SYNDIG1: variants seen among roughly 807,000 people sequenced by gnomAD.
The protein encoded by SYNDIG1 is synapse differentiation-inducing gene protein 1.
Under a neutral mutation model 19.4 loss-of-function variants are expected in SYNDIG1, and 9 were observed. The ratio of observed to expected loss-of-function variants is 0.46; its 90% confidence interval spans 0.28 to 0.81. The LOEUF is 0.81. Ranked by LOEUF, SYNDIG1 falls within the 30% of genes least tolerant of loss-of-function variation. SYNDIG1 has a pLI of 0.12. For missense variants in SYNDIG1, 311 were observed against 343.3 expected (o/e 0.91, Z 0.74); for synonymous variants, 141 against 145.9 (o/e 0.97, Z 0.24).
chr20:24,561,163 G>A (rs6083556), intron 2 of SYNDIG1, among the ~76,000 whole-genome samples: 3 of 151,706 alleles, frequency 2.0e-5, no homozygotes, highest in Admixed American at 2.0e-4. Context: ...TGTGTGCTTT[G>A]GACAATGCAT....
intron 1 of SYNDIG1, among the ~76,000 whole-genome samples, chr20:24,513,529 T>C (rs1250485236): frequency 1.3e-5 from 2 of 152,142 alleles, no homozygotes; most frequent in African/African-American, 2.4e-5. Context: ...GTATCAGTGA[T>C]TGAAGATCAA....
chr20:24,545,722 T>G (rs190172158), intron 2 of SYNDIG1, among the ~76,000 whole-genome samples: 1 of 152,148 alleles, frequency 6.6e-6, no homozygotes, highest in Non-Finnish European at 1.5e-5. Flanking sequence ...TAGTATAGAC[T>G]TCTGGGGAGG....
chr20:24,488,865 G>A (rs897153757), intron 1 of SYNDIG1, among the ~76,000 whole-genome samples: 3 of 152,170 alleles, frequency 2.0e-5, no homozygotes, highest in Non-Finnish European at 4.4e-5. Flanking sequence ...AGCATCCCCG[G>A]GCGCTCGGAG....
At chr20:24,482,489 TG>T (rs1009669975) in intron 1 of SYNDIG1, among the ~76,000 whole-genome samples, 2 of 152,234 alleles carry the variant, frequency 1.3e-5, no homozygotes, top group Non-Finnish European at 2.9e-5. Context: ...AGGCAGCCTT[TG>T]GGATCACTGG....
intron 2 of SYNDIG1, among the ~76,000 whole-genome samples, chr20:24,550,471 AT>A (rs562170334): frequency 4.5e-3 from 656 of 147,208 alleles, no homozygotes; most frequent in Admixed American, 8.5e-3. Context: ...GTTGTCCTTT[AT>A]TTTTTCATCC....
intron 3 of SYNDIG1, among the ~76,000 whole-genome samples, chr20:24,636,289 C>T (rs1211002512): frequency 6.6e-6 from 1 of 152,064 alleles, no homozygotes; most frequent in African/African-American, 2.4e-5. Context: ...TTCATTGTCT[C>T]GTGCCAAGGG....
intron 3 of SYNDIG1, among the ~76,000 whole-genome samples, chr20:24,618,095 ACCCGGGGAGTGGGGAAAG>A: frequency 1.6e-5 from 1 of 61,196 alleles, no homozygotes; most frequent in African/African-American, 6.3e-5. Context: ...GTAGGGGGGA[ACCCGGGGAGTGGGGAAAG>A]CCCGGGGAGG....
At chr20:24,558,637 A>G (rs1034259386) in intron 2 of SYNDIG1, among the ~76,000 whole-genome samples, 2 of 152,162 alleles carry the variant, frequency 1.3e-5, no homozygotes, top group Non-Finnish European at 2.9e-5. Context: ...CTGTTTTTGT[A>G]TGTTAAGTAA....
intron 3 of SYNDIG1, among the ~76,000 whole-genome samples, chr20:24,615,859 A>G (rs1264737832): frequency 3.1e-5 from 4 of 130,294 alleles, no homozygotes; most frequent in East Asian, 2.7e-4. Context: ...CTGTAGAGGA[A>G]GGACCCCTAA....
At chr20:24,480,661 A>C (rs1181797806) in intron 1 of SYNDIG1, among the ~76,000 whole-genome samples, 1 of 152,254 alleles carries the variant, frequency 6.6e-6, no homozygotes, top group Non-Finnish European at 1.5e-5. Context: ...AGTCTTGAAG[A>C]GATATGCACA....
Position 24,509,707 on chromosome 20 carries a change from A to G in SYNDIG1, c.-78-33313A>G, listed in dbSNP as rs550671675. On this transcript the variant is annotated intron_variant, in intron 1 of 3. Transcript: ENST00000376862. ...AAAGGCCTTAAGTTTTCATTTGTGA[A>G]TGATAGTTTAAATAGGTGTAGAATT... 9.8e-5 allele frequency among the ~76,000 whole-genome samples: 15 copies of G among 152,292 alleles called. No individual in the cohort carries two copies. The East Asian group carries it at 2.5e-3, about 25-fold the overall frequency.
chr20:24,541,599 T>C (rs1212008450), intron 1 of SYNDIG1, among the ~76,000 whole-genome samples: 1 of 152,124 alleles, frequency 6.6e-6, no homozygotes, highest in Admixed American at 6.6e-5. Flanking sequence ...ACTCCCAGTC[T>C]TATAAGATGA....
intron 2 of SYNDIG1, among the ~76,000 whole-genome samples, chr20:24,567,486 C>CACTCT (rs2058068137): frequency 6.6e-6 from 1 of 152,208 alleles, no homozygotes; most frequent in Admixed American, 6.5e-5. Flanking sequence ...GATGGTAAGC[C>CACTCT]ACTCTCCTGG....
intron 3 of SYNDIG1, among the ~76,000 whole-genome samples, chr20:24,638,664 T>G (rs1434777806): frequency 1.3e-5 from 2 of 152,210 alleles, no homozygotes. Context: ...CAGCCTGGAA[T>G]TTGTATGTTT....
At chr20:24,603,489 A>T (rs2058709346) in intron 3 of SYNDIG1, among the ~76,000 whole-genome samples, 1 of 152,170 alleles carries the variant, frequency 6.6e-6, no homozygotes. Context: ...GGTAAGTGGA[A>T]ACAATAATGA....
chr20:24,482,647 GA>G (rs2055831876), intron 1 of SYNDIG1, among the ~76,000 whole-genome samples: 2 of 152,034 alleles, frequency 1.3e-5, no homozygotes, highest in African/African-American at 4.8e-5. Flanking sequence ...TGAACTGTCA[GA>G]AAAAAACTAA....
chr20:24,524,668 T>A (rs1035497274), intron 1 of SYNDIG1, among the ~76,000 whole-genome samples: 1 of 152,128 alleles, frequency 6.6e-6, no homozygotes, highest in African/African-American at 2.4e-5. Context: ...AAAATTTATC[T>A]TGTTAAGGAT....
intron 3 of SYNDIG1, among the ~76,000 whole-genome samples, chr20:24,595,098 A>G (rs542312607): frequency 6.6e-6 from 1 of 152,252 alleles, no homozygotes; most frequent in African/African-American, 2.4e-5. Flanking sequence ...TCCATTTCTC[A>G]AGGGGGATGC....
intron 1 of SYNDIG1, among the ~76,000 whole-genome samples, chr20:24,509,209 T>C (rs1042004684): frequency 6.6e-6 from 1 of 152,228 alleles, no homozygotes; most frequent in African/African-American, 2.4e-5. Flanking sequence ...TGTGTATGTA[T>C]GTATATGTGT....
Sources: gnomAD v4.1 joint callset for allele counts (sites outside exome capture counted in the v4.1 genomes callset) on GRCh38, gnomAD v4.1.1 for gene constraint, MANE v1.5 for transcripts, NCBI Gene and HGNC (gene_info 2026-07-23, HGNC 2026-07-21) for gene names.